Variants in SGCZ observed in about 807,000 individuals in gnomAD.
SGCZ encodes zeta-sarcoglycan.
In SGCZ, 40 loss-of-function variants were observed where a neutral mutation model predicts 41.3. The ratio of observed to expected loss-of-function variants is 0.97; its 90% CI spans 0.75 to 1.26. SGCZ has a LOEUF of 1.26. Ranked by LOEUF, SGCZ falls within the 50% of genes most tolerant of loss-of-function variation. SGCZ has a pLI of 0.00. For missense variants in SGCZ, 552 were observed against 369.8 expected, an observed-to-expected ratio of 1.49 and a Z score of -4.04; for synonymous variants, 206 against 137.5, an observed-to-expected ratio of 1.50 and a Z score of -3.49.
intron 1 of SGCZ, among the ~76,000 whole-genome samples, chr8:15,175,156 C>G (rs1799958936): frequency 1.3e-5 from 2 of 152,058 alleles, no homozygotes; most frequent in Non-Finnish European, 2.9e-5. Context: ...AGAAATTCCA[C>G]TTGACCGAGC....
At chr8:15,189,118 T>C (rs1240987848) in intron 1 of SGCZ, among the ~76,000 whole-genome samples, 5 of 152,176 alleles carry the variant, frequency 3.3e-5, no homozygotes, top group Admixed American at 6.5e-5. Context: ...ACTTTCACTA[T>C]AACGGTTTTG....
intron 2 of SGCZ, among the ~76,000 whole-genome samples, chr8:14,462,436 T>C (rs1168897297): frequency 6.6e-6 from 1 of 152,064 alleles, no homozygotes; most frequent in Non-Finnish European, 1.5e-5. Context: ...ACTATCATTA[T>C]CGTTTGTCTC....
At chr8:14,171,545 A>G (rs1007320460) in intron 4 of SGCZ, among the ~76,000 whole-genome samples, 5 of 152,146 alleles carry the variant, frequency 3.3e-5, no homozygotes, top group African/African-American at 1.2e-4. Context: ...TTTTAAAAAT[A>G]TTCTATTTTG....
chr8:15,155,016 G>C (rs1799289051), intron 1 of SGCZ, among the ~76,000 whole-genome samples: 1 of 152,178 alleles, frequency 6.6e-6, no homozygotes, highest in Admixed American at 6.5e-5. Context: ...ATGCAGCCAA[G>C]CATGGTAGCT....
chr8:15,113,135 G>T (rs979931945), intron 1 of SGCZ, among the ~76,000 whole-genome samples: 7 of 151,258 alleles, frequency 4.6e-5, no homozygotes, highest in Admixed American at 4.6e-4. Context: ...CTTGAGTCCA[G>T]GAGGTCGAGG....
At chr8:14,138,294 A>G (rs1803263293) in intron 5 of SGCZ, among the ~76,000 whole-genome samples, 1 of 152,210 alleles carries the variant, frequency 6.6e-6, no homozygotes, top group Admixed American at 6.5e-5. Context: ...ATAATCAGCT[A>G]ACATTATAAT....
At chr8:15,095,185 A>G (rs945317732) in intron 1 of SGCZ, among the ~76,000 whole-genome samples, 1 of 152,004 alleles carries the variant, frequency 6.6e-6, no homozygotes, top group Non-Finnish European at 1.5e-5. Flanking sequence ...TGCAACCTCC[A>G]TCTCCCGGGT....
chr8:14,845,070 G>A lies in SGCZ; in HGVS notation c.40-290144C>T, dbSNP rs539208152. Among the ~76,000 whole-genome samples the A allele has an allele frequency of 2.6e-5, 4 of 152,246 alleles. No individual in the cohort carries two copies. The South Asian group carries it at 6.2e-4, about 24-fold the overall frequency. On this transcript the variant is annotated intron_variant, in intron 1 of 7. Coordinates refer to ENST00000382080, the MANE Select transcript of SGCZ (RefSeq NM_139167.4). The stretch of plus-strand genomic sequence containing the variant: ...GAGGGTGAATTCTGGAAATTTTCAG[G>A]TTTCCACTTCAGTATTCACCTGATC...
At chr8:15,018,450 C>G (rs906157011) in intron 1 of SGCZ, among the ~76,000 whole-genome samples, 1 of 152,104 alleles carries the variant, frequency 6.6e-6, no homozygotes, top group Non-Finnish European at 1.5e-5. Flanking sequence ...CTAAGTTAGT[C>G]AGGAAATGCC....
intron 3 of SGCZ, among the ~76,000 whole-genome samples, chr8:14,289,312 T>C (rs1211966233): frequency 3.9e-5 from 6 of 152,144 alleles, no homozygotes; most frequent in Non-Finnish European, 7.4e-5. Context: ...TGGTTGTTTA[T>C]GCTTTTGATA....
intron 1 of SGCZ, among the ~76,000 whole-genome samples, chr8:15,126,813 G>A (rs1807707482): frequency 4.6e-5 from 7 of 152,074 alleles, no homozygotes; most frequent in Admixed American, 3.9e-4. Flanking sequence ...GAGAAAAGTG[G>A]GAGATAATAG....
At chr8:14,543,452 T>C (rs377331135) in intron 2 of SGCZ, among the ~76,000 whole-genome samples, 1 of 152,110 alleles carries the variant, frequency 6.6e-6, no homozygotes, top group Non-Finnish European at 1.5e-5. Flanking sequence ...AAATGAAGTC[T>C]AGACAGCCTC....
At chr8:14,939,261 G>A (rs1800185844) in intron 1 of SGCZ, among the ~76,000 whole-genome samples, 1 of 152,108 alleles carries the variant, frequency 6.6e-6, no homozygotes, top group South Asian at 2.1e-4. Context: ...TCAGCAGCTG[G>A]TATTCAGCTA....
rs529605569 is a variant in SGCZ, at chr8:14,244,210, T to G, written c.337-6531A>C. Among the ~76,000 whole-genome samples the G allele has an allele frequency of 2.1e-5, 3 of 143,922 alleles. No homozygotes were observed. The Admixed American group carries it at 2.1e-4, about 10-fold the overall frequency. The allele number at this position is 143,922 out of a possible 152,430, so 94.4% of individuals were successfully genotyped here. On this transcript the variant is annotated intron_variant, in intron 3 of 7. Coordinates refer to ENST00000382080, the MANE Select transcript of SGCZ (RefSeq NM_139167.4). ...TCCTCCTCCTCTTCCTTCTTCCTCCTCTTCCTTCTTCCTCCTCCTTCTCTT... is the reference window on the plus strand; with the variant it reads ...TCCTCCTCCTCTTCCTTCTTCCTCCGCTTCCTTCTTCCTCCTCCTTCTCTT...
At position 14,799,131 on chromosome 8, in the gene SGCZ, G is replaced by A. The variant is rs142402910; in HGVS notation, c.40-244205C>T. On this transcript the variant is annotated intron_variant, in intron 1 of 7. Coordinates refer to ENST00000382080, the MANE Select transcript of SGCZ (RefSeq NM_139167.4). Reference sequence around the variant, plus strand: ...CTTTCAGAAATTAAAAATACATTTTGGAAGAAAACTAATAATGGAAAAAAG... The same window carrying A: ...CTTTCAGAAATTAAAAATACATTTTAGAAGAAAACTAATAATGGAAAAAAG... 2.6e-5 allele frequency among the ~76,000 whole-genome samples: 4 copies of A among 151,220 alleles called. No individual in the cohort carries two copies. In the East Asian group the frequency reaches 7.8e-4, roughly 29 times the overall value.
chr8:14,640,521 T>C (rs906246706), intron 1 of SGCZ, among the ~76,000 whole-genome samples: 1 of 151,782 alleles, frequency 6.6e-6, no homozygotes, highest in African/African-American at 2.4e-5. Flanking sequence ...TTCACAATAA[T>C]GTATCTTCGT....
chr8:14,718,307 T>C (rs1809762768), intron 1 of SGCZ, among the ~76,000 whole-genome samples: 1 of 151,896 alleles, frequency 6.6e-6, no homozygotes, highest in African/African-American at 2.4e-5. Flanking sequence ...AAGGATTTCT[T>C]AGGAACTAAA....
intron 1 of SGCZ, among the ~76,000 whole-genome samples, chr8:15,190,694 C>T (rs73665399): frequency 0.085 from 12,489 of 147,430 alleles, 635 homozygotes; most frequent in African/African-American, 0.13. Context: ...GGGAGGTGTG[C>T]GTGTGTCGTG....
chr8:15,070,099 T>C (rs1044397302), intron 1 of SGCZ, among the ~76,000 whole-genome samples: 3 of 152,208 alleles, frequency 2.0e-5, no homozygotes, highest in African/African-American at 7.2e-5. Flanking sequence ...CTTCTTGTGC[T>C]ACATGTCATT....
Sources: gnomAD v4.1 joint callset for allele counts (sites outside exome capture counted in the v4.1 genomes callset) on GRCh38, gnomAD v4.1.1 for gene constraint, MANE v1.5 for transcripts, NCBI Gene and HGNC (gene_info 2026-07-23, HGNC 2026-07-21) for gene names.